The following GNAI3 variants were observed in gnomAD, a reference collection of about 807,000 sequenced individuals.
GNAI3 encodes G protein subunit alpha i3, also known as guanine nucleotide-binding protein G(i) subunit alpha-3.
Under a neutral mutation model 41.8 loss-of-function variants are expected in GNAI3, and 12 were observed. The observed-to-expected ratio is 0.29, with a 90% CI of 0.18 to 0.47. The LOEUF (loss-of-function observed/expected upper bound fraction) is 0.47, where lower values mean the gene tolerates loss of function less well. Among genes scored for constraint, GNAI3 ranks in the 20% least tolerant of loss-of-function variants. The pLI, the probability that GNAI3 is intolerant of heterozygous loss-of-function variation, is 1.00. For missense variants in GNAI3, 360 were observed against 429.6 expected (o/e 0.84, Z 1.43); for synonymous variants, 132 against 146.5 (o/e 0.90, Z 0.71).
intron 1 of GNAI3, among the ~76,000 whole-genome samples, chr1:109,559,485 CTTAATATTA>C (rs1217376057): frequency 6.6e-6 from 1 of 152,092 alleles, no homozygotes; most frequent in African/African-American, 2.4e-5. Flanking sequence ...TGTCTGTGAA[CTTAATATTA>C]TTAGCCAGAT....
intron 4 of GNAI3, among the ~76,000 whole-genome samples, chr1:109,579,653 T>C (rs1318867405): frequency 6.6e-6 from 1 of 152,218 alleles, no homozygotes; most frequent in African/African-American, 2.4e-5. Context: ...GGCTGGGTTC[T>C]GAATCTGTTC....
rs1649333610 is a variant in GNAI3, at chr1:109,597,409, C to G, written c.*5087C>G. The G allele has an allele frequency of 6.6e-6, 1 of 151,950 alleles. No individual in the cohort carries two copies. The highest frequency in any genetic ancestry group is 2.4e-5 in the African/African-American group (1 of 41,246). 9.4% of individuals were successfully genotyped at this position (151,950 alleles called of 1,614,324 possible). A position where few individuals can be genotyped will look rare whatever the true frequency, so the allele number is the denominator to read the frequency against. On this transcript the variant is annotated 3_prime_UTR_variant, in exon 9 of 9. Coordinates refer to ENST00000369851, the MANE Select transcript of GNAI3 (RefSeq NM_006496.4). The stretch of plus-strand genomic sequence containing the variant: ...CCTGGGAGGCAGAGGTTGCAGTGAG[C>G]CGAGATCGCACCACTGAATTCCAGC...
At position 109,599,024 on chromosome 1, in the gene GNAI3, A is replaced by T. The variant is rs1649383741; in HGVS notation, c.*6702A>T. ...TATAGAGTGGGTTTTGAATGCTGTT[A>T]TGTCTCACCGTGGGGATGGGAAGGA... On this transcript the variant is annotated 3_prime_UTR_variant, in exon 9 of 9. Coordinates refer to ENST00000369851, the MANE Select transcript of GNAI3 (RefSeq NM_006496.4). 4 of 526,088 alleles carry T rather than the reference A, an allele frequency of 7.6e-6. No homozygotes were observed. The highest frequency in any genetic ancestry group is 1.9e-5 in the Admixed American group (1 of 51,408). 32.6% of individuals were successfully genotyped at this position (526,088 alleles called of 1,614,324 possible).
rs954638731 is a variant in GNAI3 at position 109,595,786 on chromosome 1, C to T, written c.*3464C>T. The T allele has an allele frequency of 4.0e-5, 6 of 151,674 alleles. No individual in the cohort carries two copies. The highest frequency in any genetic ancestry group is 7.4e-5 in the Non-Finnish European group (5 of 67,948). 9.4% of individuals were successfully genotyped at this position (151,674 alleles called of 1,614,324 possible). On this transcript the variant is annotated 3_prime_UTR_variant, in exon 9 of 9. Transcript: ENST00000369851. ...TATAAGGTAAAGTCAGTCTCTTGTTCCTATTAAAAAGCTACCATTGATTAT... is the reference window on the plus strand; with the variant it reads ...TATAAGGTAAAGTCAGTCTCTTGTTTCTATTAAAAAGCTACCATTGATTAT...
intron 1 of GNAI3, among the ~76,000 whole-genome samples, chr1:109,557,312 G>A (rs1648181465): frequency 6.6e-6 from 1 of 152,076 alleles, no homozygotes; most frequent in South Asian, 2.1e-4. Flanking sequence ...TACTTTTTAT[G>A]CCACTTATAG....
In GNAI3 at chr1:109,548,726, C is replaced by T; in HGVS notation, c.6C>T (p.Gly2=). 2 of 1,611,596 alleles carry T rather than the reference C, an allele frequency of 1.2e-6. No homozygotes were observed. The highest frequency in any genetic ancestry group is 1.7e-6 in the Non-Finnish European group (2 of 1,178,056). Residue 2 remains glycine (G), a synonymous_variant, in exon 1 of 9, where the codon GGC becomes GGT. Coordinates refer to ENST00000369851, the MANE Select transcript of GNAI3 (RefSeq NM_006496.4). The part of the protein sequence containing the change: M[G]CTLSAEDKAA... ...TCCCCTCTCCCGCCGCCGCCATGGG[C>T]TGCACGTTGAGCGCCGAAGACAAGG...
At chr1:109,582,019 G>A (rs1296170661) in intron 4 of GNAI3, among the ~76,000 whole-genome samples, 2 of 151,816 alleles carry the variant, frequency 1.3e-5, no homozygotes, top group African/African-American at 2.4e-5. Flanking sequence ...TAAGAGACGG[G>A]GGTCTCACTC....
At chr1:109,573,137 G>A (rs1035994374) in intron 1 of GNAI3, among the ~76,000 whole-genome samples, 3 of 152,124 alleles carry the variant, frequency 2.0e-5, no homozygotes, top group African/African-American at 7.2e-5. Context: ...CTAGCAGGTG[G>A]ATTTGTCAAG....
Position 109,592,463 on chromosome 1 carries a change from A to AT in GNAI3, c.*142dup, listed in dbSNP as rs1173088176. The AT allele has an allele frequency of 2.7e-6, 1 of 363,998 alleles. No homozygotes were observed. The highest frequency in any genetic ancestry group is 5.0e-6 in the Non-Finnish European group (1 of 200,564). The allele number at this position is 363,998 out of a possible 1,614,324, so 22.5% of individuals were successfully genotyped here. The stretch of plus-strand genomic sequence containing the variant: ...CAGAATCTTAGCACTCTTTAGCACA[A>AT]TATTTTGTATTAGGGAACTTTTAAT... On this transcript the variant is annotated 3_prime_UTR_variant, in exon 9 of 9. Transcript: ENST00000369851.
In GNAI3 at chr1:109,593,684, A is replaced by G. The variant is rs1003117207; in HGVS notation, c.*1362A>G. ...ATTGTTGAACCTTAGGTTTTATGTT[A>G]TATCTGCATATGAGTGATATGTGAT... On this transcript the variant is annotated 3_prime_UTR_variant, in exon 9 of 9. Transcript: ENST00000369851. The G allele has an allele frequency of 6.8e-6, 1 of 148,132 alleles. No individual in the cohort carries two copies. Among genetic ancestry groups the G allele is most frequent in the African/African-American group, 2.5e-5 (1 of 40,670 alleles). 9.2% of individuals were successfully genotyped at this position (148,132 alleles called of 1,614,324 possible).
intron 3 of GNAI3, among the ~76,000 whole-genome samples, chr1:109,575,401 C>T (rs1204553711): frequency 1.3e-5 from 2 of 151,292 alleles, no homozygotes; most frequent in Non-Finnish European, 2.9e-5. Context: ...TGTATTTATT[C>T]TCTTCCTTCT....
In GNAI3 at chr1:109,599,074, G is replaced by A. The variant is rs965115693; in HGVS notation, c.*6752G>A. On this transcript the variant is annotated 3_prime_UTR_variant, in exon 9 of 9. Transcript: ENST00000369851. Reference sequence around the variant, plus strand: ...AATACTCTGTTTTGGACTATTTGGAGGTACATGTGAGTGGATTTTATTACC... The same window carrying A: ...AATACTCTGTTTTGGACTATTTGGAAGTACATGTGAGTGGATTTTATTACC... The A allele has an allele frequency of 8.0e-6, 3 of 373,022 alleles. No individual in the cohort carries two copies. Among genetic ancestry groups the A allele is most frequent in the African/African-American group, 2.1e-5 (1 of 48,554 alleles). The allele number at this position is 373,022 out of a possible 1,614,324, so 23.1% of individuals were successfully genotyped here.
intron 1 of GNAI3, among the ~76,000 whole-genome samples, chr1:109,571,787 G>A (rs554427146): frequency 3.0e-4 from 46 of 152,188 alleles, no homozygotes; most frequent in African/African-American, 9.9e-4. Context: ...GTGTGGTGGC[G>A]TGTGCCTGTA....
Position 109,555,812 on chromosome 1 carries a change from C to G in GNAI3, c.118+6974C>G, listed in dbSNP as rs761886889. On this transcript the variant is annotated intron_variant, in intron 1 of 8. Coordinates refer to ENST00000369851, the MANE Select transcript of GNAI3 (RefSeq NM_006496.4). The stretch of plus-strand genomic sequence containing the variant: ...CTGAAGCACTATGCTGTTCCTCCCC[C>G]GTGGTGCTGAGCTTCTGCATCCTCT... Among the ~76,000 whole-genome samples the G allele has an allele frequency of 3.2e-4, 48 of 152,146 alleles. 1 individual carries two copies. The highest frequency in any genetic ancestry group is 4.4e-4 in the Non-Finnish European group (30 of 68,010).
At chr1:109,581,945 A>G (rs1158234328) in intron 4 of GNAI3, among the ~76,000 whole-genome samples, 1 of 152,044 alleles carries the variant, frequency 6.6e-6, no homozygotes, top group Non-Finnish European at 1.5e-5. Flanking sequence ...TAATATATAT[A>G]GACTCTATAC....
At chr1:109,550,880 C>G (rs1404574567) in intron 1 of GNAI3, among the ~76,000 whole-genome samples, 1 of 152,170 alleles carries the variant, frequency 6.6e-6, no homozygotes, top group Non-Finnish European at 1.5e-5. Context: ...AAGATGTATT[C>G]TCATCTTCTG....
At position 109,553,948 on chromosome 1, in the gene GNAI3, C is replaced by T. The variant is rs546313796; in HGVS notation, c.118+5110C>T. Among the ~76,000 whole-genome samples, 126 of 152,278 alleles carry T rather than the reference C, an allele frequency of 8.3e-4. 1 individual carries two copies. The highest frequency in any genetic ancestry group is 3.4e-3 in the Middle Eastern group (1 of 294). On this transcript the variant is annotated intron_variant, in intron 1 of 8. Transcript: ENST00000369851. ...CTTAGCATCCACTTACAAGTGAGAA[C>T]GTACGATGTTTGGTTTTCCATTCCT...
chr1:109,592,376 C>T lies in GNAI3; in HGVS notation c.*54C>T. 1 of 549,596 alleles carries T rather than the reference C, an allele frequency of 1.8e-6. No individual in the cohort carries two copies. Among genetic ancestry groups the T allele is most frequent in the Non-Finnish European group, 3.2e-6 (1 of 307,718 alleles). 34.0% of individuals were successfully genotyped at this position (549,596 alleles called of 1,614,324 possible). On this transcript the variant is annotated 3_prime_UTR_variant, in exon 9 of 9. Transcript: ENST00000369851. ...CAGTGTGGAGTGTTGAGACCAGACACCTTTTGCTGTCTCATGGGGCAGCTA... is the reference window on the plus strand; with the variant it reads ...CAGTGTGGAGTGTTGAGACCAGACATCTTTTGCTGTCTCATGGGGCAGCTA...
At position 109,574,005 on chromosome 1, in the gene GNAI3, C is replaced by G. The variant is rs768865385; in HGVS notation, c.271C>G (p.Leu91Val). The G allele has an allele frequency of 6.2e-7, 1 of 1,612,178 alleles. No individual in the cohort carries two copies. The highest frequency in any genetic ancestry group is 8.5e-7 in the Non-Finnish European group (1 of 1,178,784). The change falls in exon 3 of 9, where the codon CTA becomes GTA. Residue 91 changes from leucine to valine, a missense_variant. Transcript: ENST00000369851. ...IIAIIRAMGR[L>V]KIDFGEAARA... ...TGCAATCATAAGAGCCATGGGACGGCTAAAGATTGACTTTGGGGAAGCTGC... is the reference window on the plus strand; with the variant it reads ...TGCAATCATAAGAGCCATGGGACGGGTAAAGATTGACTTTGGGGAAGCTGC...
Sources: allele counts gnomAD v4.1 joint callset (sites outside exome capture counted in the v4.1 genomes callset), GRCh38; gene constraint gnomAD v4.1.1; transcripts MANE v1.5; gene names NCBI Gene and HGNC (gene_info 2026-07-23, HGNC 2026-07-21).